The following ASIC2 variants were observed in gnomAD, a reference collection of about 807,000 sequenced individuals.
ASIC2 encodes acid-sensing ion channel 2.
ASIC2 carries 25 observed loss-of-function variants against 57.3 expected under a neutral mutation model. That is an observed-to-expected ratio of 0.44 (90% confidence interval 0.32 to 0.61). The LOEUF is 0.61. Among genes scored for constraint, ASIC2 ranks in the 20% least tolerant of loss-of-function variants. ASIC2 has a pLI of 0.06. For missense variants in ASIC2, 641 were observed against 738.1 expected, an observed-to-expected ratio of 0.87 and a Z score of 1.52; for synonymous variants, 319 against 307.5, an observed-to-expected ratio of 1.04 and a Z score of -0.39.
At chr17:33,523,073 A>C (rs1223817496) in intron 1 of ASIC2, among the ~76,000 whole-genome samples, 1 of 152,218 alleles carries the variant, frequency 6.6e-6, no homozygotes. Flanking sequence ...TTCTTTTTGC[A>C]GATTCTTCTG....
chr17:33,410,579 C>G (rs1005970341), intron 1 of ASIC2, among the ~76,000 whole-genome samples: 2 of 152,182 alleles, frequency 1.3e-5, no homozygotes, highest in African/African-American at 2.4e-5. Context: ...GCCTCCCAGC[C>G]CATCCCATCA....
intron 1 of ASIC2, among the ~76,000 whole-genome samples, chr17:33,528,489 G>A (rs59854172): frequency 0.072 from 10,908 of 152,146 alleles, 1,005 homozygotes; most frequent in African/African-American, 0.21. Context: ...CCAGAGAATG[G>A]AAGAAAGAAG....
chr17:33,399,004 GA>G (rs1910183634), intron 1 of ASIC2, among the ~76,000 whole-genome samples: 1 of 152,184 alleles, frequency 6.6e-6, no homozygotes, highest in Non-Finnish European at 1.5e-5. Flanking sequence ...TTCAGATAGT[GA>G]TGCTGCCATT....
At chr17:34,130,847 T>C (rs987984919) in intron 1 of ASIC2, among the ~76,000 whole-genome samples, 9 of 152,336 alleles carry the variant, frequency 5.9e-5, no homozygotes, top group African/African-American at 2.2e-4. Context: ...GGGAAGCTTA[T>C]ACATGAAATT....
At position 33,730,193 on chromosome 17, in the gene ASIC2, T is replaced by C. The variant is rs562466753; in HGVS notation, c.555+425785A>G. Among the ~76,000 whole-genome samples the C allele has an allele frequency of 2.6e-5, 4 of 152,322 alleles. No homozygotes were observed. In the South Asian group the frequency reaches 8.3e-4, roughly 32 times the overall value. On this transcript the variant is annotated intron_variant, in intron 1 of 9. Coordinates refer to the ASIC2 transcript ENST00000359872. ...TAAAAAAGTGTAAAAAAAAATGCTT[T>C]CCTACCTTTTTTGGTTAAATATTTC...
chr17:33,102,756 T>C (rs1414690833), intron 2 of ASIC2, among the ~76,000 whole-genome samples: 1 of 152,186 alleles, frequency 6.6e-6, no homozygotes, highest in African/African-American at 2.4e-5. Context: ...TGCAATCACA[T>C]TTTAAATTTA....
At chr17:33,994,397 A>G (rs984195909) in intron 1 of ASIC2, among the ~76,000 whole-genome samples, 4 of 152,164 alleles carry the variant, frequency 2.6e-5, no homozygotes, top group African/African-American at 4.8e-5. Context: ...GACATGACCA[A>G]AGTAGACCGT....
intron 2 of ASIC2, among the ~76,000 whole-genome samples, chr17:33,092,390 T>A (rs2092161138): frequency 6.6e-6 from 1 of 152,246 alleles, no homozygotes; most frequent in African/African-American, 2.4e-5. Flanking sequence ...ACTTGAGAGC[T>A]GAAGTAACAA....
intron 1 of ASIC2, among the ~76,000 whole-genome samples, chr17:33,577,708 G>A (rs1916674726): frequency 6.6e-6 from 1 of 152,114 alleles, no homozygotes. Context: ...TAAGGAATTA[G>A]CCACCAACTG....
intron 1 of ASIC2, among the ~76,000 whole-genome samples, chr17:33,768,726 G>C (rs1040350060): frequency 6.6e-6 from 1 of 151,980 alleles, no homozygotes; most frequent in Non-Finnish European, 1.5e-5. Context: ...TAATGCCTTC[G>C]AACCAATTGT....
intron 1 of ASIC2, among the ~76,000 whole-genome samples, chr17:33,692,902 GA>G (rs1908417912): frequency 6.6e-6 from 1 of 152,174 alleles, no homozygotes; most frequent in Non-Finnish European, 1.5e-5. Context: ...ATCATTATGA[GA>G]TGCCTAATTG....
intron 1 of ASIC2, among the ~76,000 whole-genome samples, chr17:33,799,427 CTTCTTTCTTTCTTTCTTTCTTTCT>C (rs201420934): frequency 1.6e-3 from 132 of 84,088 alleles, no homozygotes; most frequent in African/African-American, 5.2e-3. Context: ...TTCTTTCTTT[CTTCTTTCTTTCTTTCTTTCTTTCT>C]TTCTTTCTTT....
chr17:33,386,643 C>A (rs1260961995), intron 1 of ASIC2, among the ~76,000 whole-genome samples: 2 of 152,186 alleles, frequency 1.3e-5, no homozygotes, highest in Non-Finnish European at 2.9e-5. Flanking sequence ...CAACCAGGAG[C>A]AAGAGTGATC....
intron 1 of ASIC2, among the ~76,000 whole-genome samples, chr17:33,527,092 C>T (rs1914906931): frequency 6.6e-6 from 1 of 152,228 alleles, no homozygotes; most frequent in South Asian, 2.1e-4. Context: ...TGTGTGCCTA[C>T]TTCCTTCTAT....
intron 1 of ASIC2, among the ~76,000 whole-genome samples, chr17:33,329,949 C>T (rs114035938): frequency 1.4e-3 from 206 of 152,228 alleles, no homozygotes; most frequent in African/African-American, 4.6e-3. Flanking sequence ...TCCTCTCACC[C>T]CCTATGGTTT....
intron 1 of ASIC2, among the ~76,000 whole-genome samples, chr17:33,352,625 T>A (rs1007060853): frequency 2.0e-5 from 3 of 152,116 alleles, no homozygotes; most frequent in Non-Finnish European, 2.9e-5. Context: ...CAAACCACCC[T>A]CCCAACTTTG....
At chr17:33,912,908 G>A (rs1915499150) in intron 1 of ASIC2, among the ~76,000 whole-genome samples, 1 of 152,028 alleles carries the variant, frequency 6.6e-6, no homozygotes, top group African/African-American at 2.4e-5. Flanking sequence ...GAACCCAGGA[G>A]GCAGAGGTTG....
chr17:34,058,668 TCCTA>T (rs1908857979), intron 1 of ASIC2, among the ~76,000 whole-genome samples: 1 of 149,056 alleles, frequency 6.7e-6, no homozygotes, highest in Non-Finnish European at 1.5e-5. Context: ...TAGCATTTCC[TCCTA>T]CATATTTAGG....
chr17:33,155,100 A>G (rs1383472098), intron 1 of ASIC2, among the ~76,000 whole-genome samples: 1 of 152,178 alleles, frequency 6.6e-6, no homozygotes, highest in Admixed American at 6.5e-5. Context: ...AAGACTTCCA[A>G]TCAACATAGA....
Sources: allele counts gnomAD v4.1 joint callset (sites outside exome capture counted in the v4.1 genomes callset), GRCh38; gene constraint gnomAD v4.1.1; transcripts MANE v1.5; gene names NCBI Gene and HGNC (gene_info 2026-07-23, HGNC 2026-07-21).